The following PCDHAC1 variants were observed in gnomAD, a reference collection of about 807,000 sequenced individuals.
The protein encoded by PCDHAC1 is protocadherin alpha subfamily C, 1.
A neutral mutation model predicts 60.0 loss-of-function variants in PCDHAC1; 42 were observed. The ratio of observed to expected loss-of-function variants is 0.70; its 90% CI spans 0.55 to 0.90. PCDHAC1 has a LOEUF of 0.90. Ranked by LOEUF, PCDHAC1 falls within the 40% of genes least tolerant of loss-of-function variation. PCDHAC1 has a pLI of 0.00. For synonymous variants in PCDHAC1, 468 were observed against 499.3 expected (o/e 0.94, Z 0.84); for missense variants, 1,160 against 1,222.3 (o/e 0.95, Z 0.76).
At position 140,928,878 on chromosome 5, in the gene PCDHAC1, G is replaced by A. The variant is rs1563110550; in HGVS notation, c.1986G>A (p.Gln662=). 3.7e-6 allele frequency: 6 copies of A among 1,614,194 alleles called. No individual in the cohort carries two copies. Among genetic ancestry groups the A allele is most frequent in the Non-Finnish European group, 4.2e-6 (5 of 1,180,036 alleles). The change falls in exon 1 of 4, where the codon CAG becomes CAA. Residue 662 remains glutamine, a synonymous_variant. Coordinates refer to ENST00000253807, the MANE Select transcript of PCDHAC1 (RefSeq NM_018898.5). The part of the protein sequence containing the change: ...LGVLLSNSVP[Q]LLPDFEDVWE... ...TGCTGTTGAGCAACTCTGTCCCTCA[G>A]TTACTTCCAGACTTTGAAGATGTCT...
chr5:140,947,625 T>C (rs2094153389), intron 1 of PCDHAC1, among the ~76,000 whole-genome samples: 1 of 151,648 alleles, frequency 6.6e-6, no homozygotes, highest in Non-Finnish European at 1.5e-5. Context: ...CAATATTGAG[T>C]CATCAGATCG....
At chr5:140,959,591 A>C (rs2095498403) in intron 1 of PCDHAC1, among the ~76,000 whole-genome samples, 1 of 152,220 alleles carries the variant, frequency 6.6e-6, no homozygotes, top group African/African-American at 2.4e-5. Context: ...CTATCAGCCA[A>C]GTATAACATG....
At position 140,944,954 on chromosome 5, in the gene PCDHAC1, G is replaced by T. The variant is rs59917150; in HGVS notation, c.2433+15629G>T. Among the ~76,000 whole-genome samples the T allele has an allele frequency of 8.9e-3, 1,356 of 152,182 alleles. 15 individuals are homozygous for T. Among genetic ancestry groups the T allele is most frequent in the African/African-American group, 0.032 (1,311 of 41,514 alleles). ...CTTCTTTAGATGATTGTGAATAAGA[G>T]TATTATCTTAACCTCTCTGGTGGGT... On this transcript the variant is annotated intron_variant, in intron 1 of 3. Coordinates refer to ENST00000253807, the MANE Select transcript of PCDHAC1 (RefSeq NM_018898.5).
Position 140,966,695 on chromosome 5 carries a change from C to T in PCDHAC1, c.2434-12254C>T, listed in dbSNP as rs2096038904. ...GGGTGGCACGAGCGGAGGCGGGGCC[C>T]GGGCGTGGGGCACGGCTGGGGAAGC... is the stretch of plus-strand genomic sequence containing the variant. On this transcript the variant is annotated intron_variant, in intron 1 of 3. Coordinates refer to ENST00000253807, the MANE Select transcript of PCDHAC1 (RefSeq NM_018898.5). 4 of 1,358,486 alleles carry T rather than the reference C, an allele frequency of 2.9e-6. No individual in the cohort carries two copies. In the South Asian group the frequency reaches 5.2e-5, roughly 18 times the overall value. The allele number at this position is 1,358,486 out of a possible 1,614,324, so 84.2% of individuals were successfully genotyped here. A position where few individuals can be genotyped will look rare whatever the true frequency, so the allele number is the denominator to read the frequency against.
intron 3 of PCDHAC1, among the ~76,000 whole-genome samples, chr5:140,987,261 T>C (rs1245588314): frequency 6.6e-6 from 1 of 151,964 alleles, no homozygotes; most frequent in African/African-American, 2.4e-5. Context: ...TTCTCAGGAA[T>C]GGGACCCGGC....
intron 3 of PCDHAC1, among the ~76,000 whole-genome samples, chr5:140,992,189 G>T (rs1554252741): frequency 6.6e-6 from 1 of 152,098 alleles, no homozygotes; most frequent in Non-Finnish European, 1.5e-5. Context: ...TGCTTTCAGT[G>T]ATCTATCCAA....
intron 2 of PCDHAC1, among the ~76,000 whole-genome samples, chr5:140,981,613 G>C (rs1279038280): frequency 6.6e-6 from 1 of 152,056 alleles, no homozygotes; most frequent in Non-Finnish European, 1.5e-5. Flanking sequence ...CTCTAATTTT[G>C]ATGAGGGTTT....
At chr5:140,974,647 G>GATT (rs2096635431) in intron 1 of PCDHAC1, among the ~76,000 whole-genome samples, 1 of 152,068 alleles carries the variant, frequency 6.6e-6, no homozygotes, top group African/African-American at 2.4e-5. Context: ...GAGTAGCTGA[G>GATT]ATTACAGGCA....
intron 3 of PCDHAC1, among the ~76,000 whole-genome samples, chr5:140,990,314 CCAAA>C (rs2097387288): frequency 6.6e-6 from 1 of 152,212 alleles, no homozygotes; most frequent in Non-Finnish European, 1.5e-5. Context: ...AAAAAACCAA[CCAAA>C]CAAACTTTAA....
At chr5:140,975,795 CT>C (rs1219508800) in intron 1 of PCDHAC1, among the ~76,000 whole-genome samples, 2 of 151,168 alleles carry the variant, frequency 1.3e-5, no homozygotes, top group Non-Finnish European at 1.5e-5. Flanking sequence ...TAAATTAAAT[CT>C]TTTTTATAAT....
chr5:140,928,800 A>G lies in PCDHAC1; in HGVS notation c.1908A>G (p.Val636=), dbSNP rs782641676. 3.7e-6 allele frequency: 6 copies of G among 1,614,098 alleles called. No homozygotes were observed. The highest frequency in any genetic ancestry group is 4.2e-6 in the Non-Finnish European group (5 of 1,180,020). ...PTDAVKQRVV[V]VVRDHGDPPL... Reference sequence around the variant, plus strand: ...ATGCAGTTAAGCAGAGGGTGGTGGTAGTGGTTCGGGACCATGGAGACCCAC... The same window carrying G: ...ATGCAGTTAAGCAGAGGGTGGTGGTGGTGGTTCGGGACCATGGAGACCCAC... Residue 636 remains valine, a synonymous_variant, in exon 1 of 4, where the codon GTA becomes GTG. Transcript: ENST00000253807.
intron 1 of PCDHAC1, among the ~76,000 whole-genome samples, chr5:140,938,547 C>CTTTTA (rs59072362): frequency 0.32 from 48,749 of 151,290 alleles, 8,071 homozygotes; most frequent in East Asian, 0.53. Flanking sequence ...GATTTTTATC[C>CTTTTA]TTTTATTAAT....
intron 1 of PCDHAC1, among the ~76,000 whole-genome samples, chr5:140,954,141 T>C (rs1344784554): frequency 2.0e-5 from 3 of 152,208 alleles, no homozygotes; most frequent in Non-Finnish European, 4.4e-5. Flanking sequence ...TGCATAGTAT[T>C]CCATGGTGTA....
intron 1 of PCDHAC1, among the ~76,000 whole-genome samples, chr5:140,972,693 C>A (rs1358194667): frequency 2.3e-5 from 3 of 130,312 alleles, no homozygotes; most frequent in East Asian, 4.7e-4. Flanking sequence ...GAGATGGAGT[C>A]TCACTCTGTT....
chr5:140,937,288 C>T (rs1473599964), intron 1 of PCDHAC1, among the ~76,000 whole-genome samples: 1 of 152,072 alleles, frequency 6.6e-6, no homozygotes, highest in African/African-American at 2.4e-5. Context: ...TCACCCGCTT[C>T]GGCCTCCCAA....
intron 1 of PCDHAC1, among the ~76,000 whole-genome samples, chr5:140,953,431 G>A (rs782512202): frequency 6.6e-5 from 10 of 152,088 alleles, no homozygotes; most frequent in Non-Finnish European, 1.2e-4. Flanking sequence ...TTGTCCTTAA[G>A]CTGGAGAAAC....
rs568082033 is a variant in PCDHAC1, at chr5:140,926,946, AG to A, written c.55del (p.Ala19ArgfsTer16). On this transcript the variant is annotated frameshift_variant, in exon 1 of 4. Transcript: ENST00000253807. LOFTEE classifies it high-confidence loss of function. ...GTTTGTGGGTTTCCTGCGGCGCTGC[AG>A]CGGGACAGCTCGAGTACTCAGTGCC... ...LCLWVSCGAA[A>X]GQLEYSVPEE... 60 of 1,590,228 alleles carry A rather than the reference AG, an allele frequency of 3.8e-5. No individual in the cohort carries two copies. The African/African-American group carries it at 7.7e-4, about 20-fold the overall frequency.
chr5:141,001,749 T>C (rs1554258292), intron 3 of PCDHAC1, among the ~76,000 whole-genome samples: 1 of 152,090 alleles, frequency 6.6e-6, no homozygotes, highest in African/African-American at 2.4e-5. Flanking sequence ...GCTGTTTCAG[T>C]GGTTGATGGC....
chr5:140,937,916 A>T (rs903757303), intron 1 of PCDHAC1, among the ~76,000 whole-genome samples: 37 of 152,106 alleles, frequency 2.4e-4, no homozygotes, highest in Non-Finnish European at 1.8e-4. Flanking sequence ...CGTCTCAAAA[A>T]AAAAAAAAAA....
Sources: gnomAD v4.1 joint callset for allele counts (sites outside exome capture counted in the v4.1 genomes callset) on GRCh38, gnomAD v4.1.1 for gene constraint, MANE v1.5 for transcripts, NCBI Gene and HGNC (gene_info 2026-07-23, HGNC 2026-07-21) for gene names.